NTM: variants seen among roughly 807,000 people sequenced by gnomAD.
The protein encoded by NTM is IgLON family member 2.
NTM carries 13 observed loss-of-function variants against 42.1 expected under a neutral mutation model. The ratio of observed to expected loss-of-function variants is 0.31; its 90% CI spans 0.20 to 0.49. The LOEUF is 0.49. Among genes scored for constraint, NTM ranks in the 20% least tolerant of loss-of-function variants. The probability of loss-of-function intolerance (pLI) is 0.99; values close to 1 mark genes in which losing one functional copy is unlikely to be tolerated. For missense variants in NTM, 373 were observed against 452.8 expected, an observed-to-expected ratio of 0.82 and a Z score of 1.60; for synonymous variants, 187 against 179.2, an observed-to-expected ratio of 1.04 and a Z score of -0.35.
intron 2 of NTM, among the ~76,000 whole-genome samples, chr11:132,139,134 G>A (rs2068579301): frequency 6.6e-6 from 1 of 152,104 alleles, no homozygotes; most frequent in Non-Finnish European, 1.5e-5. Flanking sequence ...TGTTTGGACT[G>A]TTTTGAACAT....
intron 2 of NTM, among the ~76,000 whole-genome samples, chr11:132,136,861 G>A (rs776792258): frequency 6.6e-6 from 1 of 152,140 alleles, no homozygotes; most frequent in Non-Finnish European, 1.5e-5. Flanking sequence ...AATTGGAGGT[G>A]GAACTAGCCC....
Position 131,789,449 on chromosome 11 carries a change from A to G in NTM, c.83-122115A>G, listed in dbSNP as rs556987453. Among the ~76,000 whole-genome samples, 29 of 11,290 alleles carry G rather than the reference A, an allele frequency of 2.6e-3. 3 individuals carry two copies. Among genetic ancestry groups the G allele is most frequent in the African/African-American group, 9.6e-3 (27 of 2,822 alleles). 7.4% of individuals were successfully genotyped at this position (11,290 alleles called of 152,430 possible). Reference sequence around the variant, plus strand: ...AAGAAGGAAGAAGAAGAAGAAGAAGAAGAAGAAGAAGAAGAAGAAGAAGAA... The same window carrying G: ...AAGAAGGAAGAAGAAGAAGAAGAAGGAGAAGAAGAAGAAGAAGAAGAAGAA... On this transcript the variant is annotated intron_variant, in intron 1 of 8. Coordinates refer to ENST00000683400, the MANE Select transcript of NTM (RefSeq NM_001352005.2).
chr11:132,214,915 G>T (rs550109991), intron 4 of NTM, among the ~76,000 whole-genome samples: 1 of 152,318 alleles, frequency 6.6e-6, no homozygotes, highest in Non-Finnish European at 1.5e-5. Context: ...GATTCAAAAT[G>T]ATGAGACATG....
chr11:132,033,038 A>T (rs924131607), intron 2 of NTM, among the ~76,000 whole-genome samples: 1 of 152,224 alleles, frequency 6.6e-6, no homozygotes, highest in Non-Finnish European at 1.5e-5. Flanking sequence ...AGATACAGCC[A>T]TATATGCCTG....
At chr11:132,321,024 G>A (rs2095555976) in intron 7 of NTM, among the ~76,000 whole-genome samples, 1 of 151,162 alleles carries the variant, frequency 6.6e-6, no homozygotes, top group Non-Finnish European at 1.5e-5. Flanking sequence ...AAACCCATCT[G>A]TACATCACCA....
At chr11:132,193,894 C>T (rs1256551013) in intron 3 of NTM, among the ~76,000 whole-genome samples, 3 of 152,084 alleles carry the variant, frequency 2.0e-5, no homozygotes, top group East Asian at 1.9e-4. Context: ...TGGAAACCTA[C>T]AGCCTCCCAA....
At chr11:132,187,964 G>A (rs144265052) in intron 3 of NTM, among the ~76,000 whole-genome samples, 642 of 152,286 alleles carry the variant, frequency 4.2e-3, no homozygotes, top group African/African-American at 0.012. Flanking sequence ...AATGGAAAAT[G>A]AGACATAGCA....
At chr11:131,848,806 A>C (rs530111230) in intron 1 of NTM, among the ~76,000 whole-genome samples, 1 of 152,234 alleles carries the variant, frequency 6.6e-6, no homozygotes, top group Non-Finnish European at 1.5e-5. Context: ...CTTCTCCTCC[A>C]AGTCCCTGAT....
In NTM at chr11:131,518,960, G is replaced by T. The variant is rs78447734; in HGVS notation, c.82+148072G>T. ...CATCCCACAAATGTCCTGTATTGTA[G>T]GTGCATTTTCCTTTTTATTTCTCTG... is the stretch of plus-strand genomic sequence containing the variant. On this transcript the variant is annotated intron_variant, in intron 1 of 8. Transcript: ENST00000683400. Among the ~76,000 whole-genome samples the T allele has an allele frequency of 2.0e-5, 3 of 152,182 alleles. No individual in the cohort carries two copies. In the East Asian group the frequency reaches 5.8e-4, roughly 29 times the overall value.
intron 1 of NTM, among the ~76,000 whole-genome samples, chr11:131,834,548 C>T (rs2043224141): frequency 6.6e-6 from 1 of 150,556 alleles, no homozygotes; most frequent in African/African-American, 2.4e-5. Flanking sequence ...TCATCACCCC[C>T]AATGCCATCA....
intron 1 of NTM, among the ~76,000 whole-genome samples, chr11:131,686,914 T>G (rs2073957929): frequency 6.6e-6 from 1 of 152,204 alleles, no homozygotes; most frequent in Non-Finnish European, 1.5e-5. Flanking sequence ...GAGGCAATCA[T>G]AACCCAGACT....
chr11:132,070,534 G>T (rs190045596), intron 2 of NTM, among the ~76,000 whole-genome samples: 1 of 119,660 alleles, frequency 8.4e-6, no homozygotes, highest in Non-Finnish European at 1.8e-5. Context: ...AAGTTAACAC[G>T]TCAAACTGAC....
chr11:132,203,177 T>C (rs576179297), intron 3 of NTM, among the ~76,000 whole-genome samples: 42 of 152,280 alleles, frequency 2.8e-4, no homozygotes, highest in African/African-American at 9.4e-4. Flanking sequence ...TCCTCAAACC[T>C]TGAGCACATC....
chr11:132,177,918 A>G (rs1309945694), intron 3 of NTM, among the ~76,000 whole-genome samples: 1 of 152,238 alleles, frequency 6.6e-6, no homozygotes, highest in Non-Finnish European at 1.5e-5. Context: ...AATCCAGAGT[A>G]CTGTTTGCTT....
chr11:131,433,504 T>C (rs11222614), intron 1 of NTM, among the ~76,000 whole-genome samples: 67,472 of 151,924 alleles, frequency 0.44, 15,440 homozygotes, highest in Non-Finnish European at 0.5. Flanking sequence ...TCTTTAAATT[T>C]CTCTTGTGTT....
intron 1 of NTM, among the ~76,000 whole-genome samples, chr11:131,507,023 C>G (rs1295737193): frequency 2.0e-5 from 3 of 152,186 alleles, no homozygotes; most frequent in Non-Finnish European, 4.4e-5. Context: ...AGCCTGGGTT[C>G]TCTGTGAAGC....
chr11:131,850,381 TCCAAG>T (rs1306962113), intron 1 of NTM, among the ~76,000 whole-genome samples: 1 of 152,152 alleles, frequency 6.6e-6, no homozygotes, highest in Non-Finnish European at 1.5e-5. Flanking sequence ...TTCACTTGGC[TCCAAG>T]CTTAGCCACT....
chr11:132,202,396 AG>A (rs2081295073), intron 3 of NTM, among the ~76,000 whole-genome samples: 1 of 152,114 alleles, frequency 6.6e-6, no homozygotes, highest in Admixed American at 6.5e-5. Flanking sequence ...CTAAAGAGAG[AG>A]GCCTGGTGGT....
chr11:131,789,872 C>T lies in NTM; in HGVS notation c.83-121692C>T, dbSNP rs192823589. ...ACGGGAGGCTGAGGCAGGAGAATGG[C>T]GTGAACCCGGGAGGCGGAGCTTGCA... is the stretch of plus-strand genomic sequence containing the variant. On this transcript the variant is annotated intron_variant, in intron 1 of 8. Transcript: ENST00000683400. 5.7e-3 allele frequency among the ~76,000 whole-genome samples: 796 copies of T among 138,920 alleles called. 10 individuals carry two copies. The highest frequency in any genetic ancestry group is 0.02 in the African/African-American group (750 of 37,308). 91.1% of individuals were successfully genotyped at this position (138,920 alleles called of 152,430 possible).
Sources: allele counts gnomAD v4.1 joint callset (sites outside exome capture counted in the v4.1 genomes callset), GRCh38; gene constraint gnomAD v4.1.1; transcripts MANE v1.5; gene names NCBI Gene and HGNC (gene_info 2026-07-23, HGNC 2026-07-21).